The following DLG1 variants were observed in gnomAD, a reference collection of about 807,000 sequenced individuals.
DLG1 encodes disks large homolog 1.
Under a neutral mutation model 123.4 loss-of-function variants are expected in DLG1, and 42 were observed. The observed-to-expected ratio is 0.34, with a 90% CI of 0.27 to 0.44. The LOEUF (loss-of-function observed/expected upper bound fraction) is 0.44, where lower values mean the gene tolerates loss of function less well. Ranked by LOEUF, DLG1 falls within the 20% of genes least tolerant of loss-of-function variation. DLG1 has a pLI of 1.00. For synonymous variants in DLG1, 317 were observed against 356.2 expected (o/e 0.89, Z 1.24); for missense variants, 942 against 1,082.6 (o/e 0.87, Z 1.82).
At chr3:197,117,872 A>C (rs1774173171) in intron 12 of DLG1, among the ~76,000 whole-genome samples, 1 of 152,194 alleles carries the variant, frequency 6.6e-6, no homozygotes, top group Admixed American at 6.5e-5. Flanking sequence ...TATACCACAA[A>C]TTGTATACTT....
At chr3:197,280,677 T>C (rs1158109741) in intron 4 of DLG1, among the ~76,000 whole-genome samples, 3 of 152,200 alleles carry the variant, frequency 2.0e-5, no homozygotes, top group African/African-American at 7.2e-5. Flanking sequence ...AAATCGAGTA[T>C]AAGAATTCGA....
intron 4 of DLG1, among the ~76,000 whole-genome samples, chr3:197,244,845 G>A (rs1750821736): frequency 6.6e-6 from 1 of 152,092 alleles, no homozygotes; most frequent in African/African-American, 2.4e-5. Context: ...AACTCCAAGG[G>A]TGGCATCTGT....
At chr3:197,110,586 C>T (rs142447559) in intron 13 of DLG1, among the ~76,000 whole-genome samples, 6 of 152,110 alleles carry the variant, frequency 3.9e-5, no homozygotes, top group Admixed American at 2.0e-4. Context: ...AATTTTATGA[C>T]GAAAAATAGG....
chr3:197,286,357 G>A (rs1450008361), intron 3 of DLG1, among the ~76,000 whole-genome samples: 1 of 152,166 alleles, frequency 6.6e-6, no homozygotes, highest in African/African-American at 2.4e-5. Flanking sequence ...GAGGGTGGGG[G>A]AGCTTCTGCA....
chr3:197,079,046 T>C (rs1368209417), intron 17 of DLG1, among the ~76,000 whole-genome samples: 1 of 140,656 alleles, frequency 7.1e-6, no homozygotes, highest in East Asian at 1.9e-4. Context: ...GAAGAACTTA[T>C]TAAAAGTGAA....
At chr3:197,179,588 T>G (rs1011499984) in intron 5 of DLG1, among the ~76,000 whole-genome samples, 1 of 152,208 alleles carries the variant, frequency 6.6e-6, no homozygotes, top group African/African-American at 2.4e-5. Context: ...CATATACTAT[T>G]AGAGTTAAAT....
intron 4 of DLG1, among the ~76,000 whole-genome samples, chr3:197,253,100 G>A (rs1425682452): frequency 6.6e-6 from 1 of 152,032 alleles, no homozygotes; most frequent in African/African-American, 2.4e-5. Flanking sequence ...TTTGTTCCAC[G>A]AAAGATCCTT....
At chr3:197,200,056 T>C (rs565311712) in intron 4 of DLG1, among the ~76,000 whole-genome samples, 6 of 152,288 alleles carry the variant, frequency 3.9e-5, no homozygotes, top group Admixed American at 2.0e-4. Flanking sequence ...TACTATGACT[T>C]ACATATAGGA....
At chr3:197,193,814 T>A (rs58689288) in intron 5 of DLG1, among the ~76,000 whole-genome samples, 1,634 of 152,020 alleles carry the variant, frequency 0.011, 31 homozygotes, top group African/African-American at 0.037. Flanking sequence ...TTAAAGATGA[T>A]GTTAATGCTC....
chr3:197,084,793 G>T (rs1469016456), intron 16 of DLG1, among the ~76,000 whole-genome samples: 1 of 150,752 alleles, frequency 6.6e-6, no homozygotes, highest in Non-Finnish European at 1.5e-5. Flanking sequence ...TATAGATATA[G>T]ATATAGATAT....
chr3:197,171,641 A>T (rs1369020208), intron 5 of DLG1, among the ~76,000 whole-genome samples: 3 of 152,188 alleles, frequency 2.0e-5, no homozygotes, highest in Non-Finnish European at 4.4e-5. Flanking sequence ...GAGACTCACA[A>T]TATTCAGTTA....
intron 16 of DLG1, among the ~76,000 whole-genome samples, chr3:197,083,835 C>T (rs1181445432): frequency 2.3e-5 from 3 of 132,128 alleles, no homozygotes; most frequent in South Asian, 2.2e-4. Flanking sequence ...AAAACTTAGC[C>T]GGGTGCAGTG....
chr3:197,115,447 T>C (rs1022942454), intron 13 of DLG1, among the ~76,000 whole-genome samples: 1 of 151,554 alleles, frequency 6.6e-6, no homozygotes, highest in African/African-American at 2.4e-5. Context: ...AATCAAGATG[T>C]TCATTACATA....
intron 4 of DLG1, among the ~76,000 whole-genome samples, chr3:197,250,585 A>G (rs530323461): frequency 1.3e-5 from 2 of 152,000 alleles, no homozygotes; most frequent in South Asian, 4.2e-4. Flanking sequence ...AAAAAAAGAA[A>G]AAGAAAAAGA....
chr3:197,169,464 T>C (rs751518977), intron 5 of DLG1, among the ~76,000 whole-genome samples: 5 of 152,190 alleles, frequency 3.3e-5, no homozygotes, highest in Non-Finnish European at 5.9e-5. Flanking sequence ...TGGTGACTGA[T>C]GAGAAGTCTG....
intron 4 of DLG1, among the ~76,000 whole-genome samples, chr3:197,274,754 G>A (rs1185507057): frequency 6.6e-6 from 1 of 151,980 alleles, no homozygotes; most frequent in Non-Finnish European, 1.5e-5. Flanking sequence ...AATATATAAG[G>A]AGCAACAAAA....
intron 15 of DLG1, among the ~76,000 whole-genome samples, chr3:197,086,195 A>G (rs781096007): frequency 9.9e-5 from 15 of 152,222 alleles, no homozygotes; most frequent in Non-Finnish European, 1.8e-4. Context: ...CATAGTGACT[A>G]TTCTGTCCAT....
At position 197,162,853 on chromosome 3, in the gene DLG1, G is replaced by T. The variant is rs186819114; in HGVS notation, c.484-13057C>A. 9.2e-5 allele frequency among the ~76,000 whole-genome samples: 14 copies of T among 152,276 alleles called. No individual in the cohort carries two copies. In the East Asian group the frequency reaches 2.7e-3, roughly 29 times the overall value. On this transcript the variant is annotated intron_variant, in intron 5 of 24. Transcript: ENST00000667157. ...AATGATGAAAGAAAAAAATCAATTA[G>T]ACTCTAACAGAATTAAAACCTTTTG...
At chr3:197,229,164 A>G (rs1045401187) in intron 4 of DLG1, among the ~76,000 whole-genome samples, 1 of 152,140 alleles carries the variant, frequency 6.6e-6, no homozygotes, top group Non-Finnish European at 1.5e-5. Context: ...TAGCCCAAAA[A>G]TCAAGGATGC....
Sources: allele counts gnomAD v4.1 joint callset (sites outside exome capture counted in the v4.1 genomes callset), GRCh38; gene constraint gnomAD v4.1.1; transcripts MANE v1.5; gene names NCBI Gene and HGNC (gene_info 2026-07-23, HGNC 2026-07-21).